Variants in EN1 observed in about 807,000 individuals in gnomAD.
EN1 encodes homeobox protein engrailed-1.
EN1 carries 8 observed loss-of-function variants against 22.9 expected under a neutral mutation model. The observed-to-expected ratio is 0.35, with a 90% CI of 0.20 to 0.63. The LOEUF is 0.63. Among genes scored for constraint, EN1 ranks in the 20% least tolerant of loss-of-function variants. The pLI is 0.73. For synonymous variants in EN1, 287 were observed against 262.5 expected (o/e 1.09, Z -0.90); for missense variants, 521 against 572.1 (o/e 0.91, Z 0.91).
In EN1 at chr2:118,842,793, T is replaced by C; in HGVS notation, c.*145A>G. On this transcript the variant is annotated 3_prime_UTR_variant, in exon 2 of 2. Transcript: ENST00000295206. Reference sequence around the variant, plus strand: ...GCTGCGTTTCAACGTCATTGTCCATTCTGAGGCTCTCTTTCTGTCTCTCTC... The same window carrying C: ...GCTGCGTTTCAACGTCATTGTCCATCCTGAGGCTCTCTTTCTGTCTCTCTC... 7.4e-7 allele frequency: 1 copy of C among 1,343,972 alleles called. No individual in the cohort carries two copies. The highest frequency in any genetic ancestry group is 9.8e-7 in the Non-Finnish European group (1 of 1,018,050). The allele number at this position is 1,343,972 out of a possible 1,614,324, so 83.3% of individuals were successfully genotyped here.
Position 118,847,176 on chromosome 2 carries a change from G to T in EN1, c.-9C>A. 3.6e-6 allele frequency: 3 copies of T among 839,378 alleles called. No homozygotes were observed. Among genetic ancestry groups the T allele is most frequent in the Non-Finnish European group, 5.0e-6 (3 of 597,912 alleles). 52.0% of individuals were successfully genotyped at this position (839,378 alleles called of 1,614,324 possible). On this transcript the variant is annotated 5_prime_UTR_variant, in exon 1 of 2. Coordinates refer to ENST00000295206, the MANE Select transcript of EN1 (RefSeq NM_001426.4). ...GGCTGCTGTTCTTCCATGCTCGGCC[G>T]CCCCGCCGCCCCGGCCGCCGCGCCG...
chr2:118,843,376 T>G lies in EN1; in HGVS notation c.863-122A>C, dbSNP rs1678222288. The G allele has an allele frequency of 2.3e-5, 20 of 861,128 alleles. No homozygotes were observed. In the South Asian group the frequency reaches 3.2e-4, roughly 14 times the overall value. The allele number at this position is 861,128 out of a possible 1,614,324, so 53.3% of individuals were successfully genotyped here. On this transcript the variant is annotated intron_variant, in intron 1 of 1. Transcript: ENST00000295206. The stretch of plus-strand genomic sequence containing the variant: ...CGAGCTGGGCCGCGAGCCCCGCGCT[T>G]CCGGGGCGATCTCGGAGGCCCTGCT...
At chr2:118,845,991 CACTG>C (rs1678262409) in intron 1 of EN1, among the ~76,000 whole-genome samples, 1 of 152,202 alleles carries the variant, frequency 6.6e-6, no homozygotes, top group African/African-American at 2.4e-5. Context: ...GAAAGAAAAT[CACTG>C]ACTATGTACT....
chr2:118,843,637 T>C (rs1184095476), intron 1 of EN1, among the ~76,000 whole-genome samples: 1 of 152,180 alleles, frequency 6.6e-6, no homozygotes, highest in East Asian at 1.9e-4. Flanking sequence ...GGAGCTCATA[T>C]GGCCCAGCCC....
At position 118,842,645 on chromosome 2, in the gene EN1, T is replaced by C; in HGVS notation, c.*293A>G. The C allele has an allele frequency of 3.1e-6, 1 of 326,852 alleles. No homozygotes were observed. The highest frequency in any genetic ancestry group is 5.6e-6 in the Non-Finnish European group (1 of 180,018). The allele number at this position is 326,852 out of a possible 1,614,324, so 20.2% of individuals were successfully genotyped here. ...TACCTGAAATTAAATATATACAAGG[T>C]CGTAAGCGGTTTGGCTAGATAGAGC... On this transcript the variant is annotated 3_prime_UTR_variant, in exon 2 of 2. Transcript: ENST00000295206.
chr2:118,845,814 T>A (rs187344024), intron 1 of EN1, among the ~76,000 whole-genome samples: 17 of 152,298 alleles, frequency 1.1e-4, no homozygotes, highest in African/African-American at 3.6e-4. Context: ...AAACGGTCTC[T>A]CCGCAGAAAA....
Position 118,842,297 on chromosome 2 carries a change from G to C in EN1, c.*641C>G, listed in dbSNP as rs1678200433. The stretch of plus-strand genomic sequence containing the variant: ...ATTTCTCAACAAGTCTCCGGAAAAC[G>C]AAAGGGGGGCAGAACAGACAGACCG... On this transcript the variant is annotated 3_prime_UTR_variant, in exon 2 of 2. Coordinates refer to ENST00000295206, the MANE Select transcript of EN1 (RefSeq NM_001426.4). The C allele has an allele frequency of 6.5e-6, 1 of 152,762 alleles. No individual in the cohort carries two copies. Among genetic ancestry groups the C allele is most frequent in the East Asian group, 1.9e-4 (1 of 5,176 alleles). The allele number at this position is 152,762 out of a possible 1,614,324, so 9.5% of individuals were successfully genotyped here. A position where few individuals can be genotyped will look rare whatever the true frequency, so the allele number is the denominator to read the frequency against.
Position 118,847,168 on chromosome 2 carries a change from G to A in EN1, c.-1C>T. On this transcript the variant is annotated 5_prime_UTR_variant, in exon 1 of 2. Coordinates refer to ENST00000295206, the MANE Select transcript of EN1 (RefSeq NM_001426.4). ...TAGGTTCCGGCTGCTGTTCTTCCATGCTCGGCCGCCCCGCCGCCCCGGCCG... is the reference window on the plus strand; with the variant it reads ...TAGGTTCCGGCTGCTGTTCTTCCATACTCGGCCGCCCCGCCGCCCCGGCCG... 2.1e-6 allele frequency: 2 copies of A among 969,984 alleles called. No homozygotes were observed. Among genetic ancestry groups the A allele is most frequent in the Non-Finnish European group, 2.8e-6 (2 of 702,382 alleles). 60.1% of individuals were successfully genotyped at this position (969,984 alleles called of 1,614,324 possible).
At position 118,843,004 on chromosome 2, in the gene EN1, G is replaced by T; in HGVS notation, c.1113C>A (p.His371Gln). 1 of 1,614,174 alleles carries T rather than the reference G, an allele frequency of 6.2e-7. No homozygotes were observed. Among genetic ancestry groups the T allele is most frequent in the Non-Finnish European group, 8.5e-7 (1 of 1,180,034 alleles). The change falls in exon 2 of 2, where the codon CAC becomes CAA. Residue 371 changes from histidine to glutamine, a missense_variant. Coordinates refer to ENST00000295206, the MANE Select transcript of EN1 (RefSeq NM_001426.4). ...GGTTGTACAGTCCCTGGGCCATGAG[G>T]TGCAGCGCCAGGCCGTTCTTGATGC... is the stretch of plus-strand genomic sequence containing the variant. ...ATGIKNGLAL[H>Q]LMAQGLYNHS...
intron 1 of EN1, among the ~76,000 whole-genome samples, chr2:118,845,420 G>A (rs1016112144): frequency 3.8e-4 from 58 of 152,222 alleles, no homozygotes; most frequent in African/African-American, 1.2e-3. Flanking sequence ...CGCCAAGCGC[G>A]AGGGGCACAC....
rs773901760 is a variant in EN1 at position 118,846,276 on chromosome 2, G to A, written c.862+30C>T. ...CTGGGGCGGTCCGCGGGGCCAGAAG[G>A]CATGGCGCAGCCCGGAGTTGGGTAC... On this transcript the variant is annotated intron_variant, in intron 1 of 1. Transcript: ENST00000295206. The surrounding 1 kb of genome is among the most constrained non-coding windows in gnomAD (Gnocchi z 5.0). 6.3e-6 allele frequency: 10 copies of A among 1,598,688 alleles called. No homozygotes were observed. Among genetic ancestry groups the A allele is most frequent in the Non-Finnish European group, 8.5e-6 (10 of 1,173,368 alleles).
intron 1 of EN1, among the ~76,000 whole-genome samples, chr2:118,845,561 G>A (rs768293450): frequency 6.6e-6 from 1 of 152,220 alleles, no homozygotes; most frequent in Non-Finnish European, 1.5e-5. Context: ...AAGCTACGGA[G>A]GAAACTGGCT....
chr2:118,843,642 C>T (rs1472134076), intron 1 of EN1, among the ~76,000 whole-genome samples: 1 of 152,162 alleles, frequency 6.6e-6, no homozygotes, highest in Non-Finnish European at 1.5e-5. Flanking sequence ...TCATATGGCC[C>T]AGCCCAGAGT....
chr2:118,846,806 TGC>T lies in EN1; in HGVS notation c.360_361del (p.Gln121AlafsTer24). On this transcript the variant is annotated frameshift_variant, in exon 1 of 2. Coordinates refer to ENST00000295206, the MANE Select transcript of EN1 (RefSeq NM_001426.4). LOFTEE classifies it high-confidence loss of function. The surrounding 1 kb of genome is among the most constrained non-coding windows in gnomAD (Gnocchi z 5.0). ...AGCCACCAGAAGCTGCGGTGGCGGC[TGC>T]TCCTTTTTGCAGCCGAAGTCCGGCC... 1 of 1,594,696 alleles carries T rather than the reference TGC, an allele frequency of 6.3e-7. No individual in the cohort carries two copies. The highest frequency in any genetic ancestry group is 8.5e-7 in the Non-Finnish European group (1 of 1,176,908).
Position 118,846,217 on chromosome 2 carries a change from G to A in EN1, c.862+89C>T, listed in dbSNP as rs1678265501. 5 of 1,524,954 alleles carry A rather than the reference G, an allele frequency of 3.3e-6. No homozygotes were observed. The East Asian group carries it at 1.0e-4, about 31-fold the overall frequency. 94.5% of individuals were successfully genotyped at this position (1,524,954 alleles called of 1,614,324 possible). On this transcript the variant is annotated intron_variant, in intron 1 of 1. Coordinates refer to ENST00000295206, the MANE Select transcript of EN1 (RefSeq NM_001426.4). This position sits in a 1 kb window ranked among gnomAD's most constrained non-coding sequence, Gnocchi z 5.0. ...GTGAGAGACTGGAGTACCCGAGGCC[G>A]GGTTTGCTCTCCCTAGCGCCGCAGC...
rs988455463 is a variant in EN1, at chr2:118,842,262, G to C, written c.*676C>G. The C allele has an allele frequency of 5.2e-5, 8 of 152,718 alleles. No homozygotes were observed. Among genetic ancestry groups the C allele is most frequent in the Non-Finnish European group, 1.2e-4 (8 of 68,104 alleles). The allele number at this position is 152,718 out of a possible 1,614,324, so 9.5% of individuals were successfully genotyped here. On this transcript the variant is annotated 3_prime_UTR_variant, in exon 2 of 2. Transcript: ENST00000295206. Reference sequence around the variant, plus strand: ...TAGCGGCGGTTCAGTCTCGCAGTCTGTGGGGTCGTATTTCTCAACAAGTCT... The same window carrying C: ...TAGCGGCGGTTCAGTCTCGCAGTCTCTGGGGTCGTATTTCTCAACAAGTCT...
At chr2:118,845,282 G>A (rs943319866) in intron 1 of EN1, among the ~76,000 whole-genome samples, 4 of 152,200 alleles carry the variant, frequency 2.6e-5, no homozygotes, top group South Asian at 2.1e-4. Context: ...GCCCCCTGCC[G>A]GACCGGGTGT....
Position 118,842,896 on chromosome 2 carries a change from G to A in EN1, c.*42C>T, listed in dbSNP as rs758172081. 1.3e-6 allele frequency: 2 copies of A among 1,569,040 alleles called. No individual in the cohort carries two copies. The highest frequency in any genetic ancestry group is 1.7e-6 in the Non-Finnish European group (2 of 1,155,026). Reference sequence around the variant, plus strand: ...CGAGGGGCCGGGAGACGACGGCGGCGGTGCCGGGAGGGGGCGCGGGCGCGG... The same window carrying A: ...CGAGGGGCCGGGAGACGACGGCGGCAGTGCCGGGAGGGGGCGCGGGCGCGG... On this transcript the variant is annotated 3_prime_UTR_variant, in exon 2 of 2. Coordinates refer to ENST00000295206, the MANE Select transcript of EN1 (RefSeq NM_001426.4).
rs1573318521 is a variant in EN1, at chr2:118,847,251, T to C, written c.-84A>G. 2 of 443,218 alleles carry C rather than the reference T, an allele frequency of 4.5e-6. No homozygotes were observed. Among genetic ancestry groups the C allele is most frequent in the South Asian group, 5.1e-5 (1 of 19,782 alleles). 27.5% of individuals were successfully genotyped at this position (443,218 alleles called of 1,614,324 possible). On this transcript the variant is annotated 5_prime_UTR_variant, in exon 1 of 2. Coordinates refer to ENST00000295206, the MANE Select transcript of EN1 (RefSeq NM_001426.4). ...CCCACCCCACTTTGCCAGCGGCCCGTGGGGGTGCGCGGAGGAAGGAGGCAG... is the reference window on the plus strand; with the variant it reads ...CCCACCCCACTTTGCCAGCGGCCCGCGGGGGTGCGCGGAGGAAGGAGGCAG...
Sources: allele counts gnomAD v4.1 joint callset (sites outside exome capture counted in the v4.1 genomes callset), GRCh38; gene constraint gnomAD v4.1.1; non-coding constraint Gnocchi (gnomAD v3.1); transcripts MANE v1.5; gene names NCBI Gene and HGNC (gene_info 2026-07-23, HGNC 2026-07-21).